KCNIP4: variants seen among roughly 807,000 people sequenced by gnomAD.
KCNIP4 encodes the protein potassium voltage-gated channel interacting protein 4, also known as Kv channel-interacting protein 4.
KCNIP4 carries 12 observed loss-of-function variants against 34.0 expected under a neutral mutation model. That is an observed-to-expected ratio of 0.35 (90% CI 0.23 to 0.57). The LOEUF (loss-of-function observed/expected upper bound fraction) is 0.57. Among genes scored for constraint, KCNIP4 ranks in the 20% least tolerant of loss-of-function variants. The probability of loss-of-function intolerance (pLI) is 0.83; values close to 1 mark genes in which losing one functional copy is unlikely to be tolerated. For synonymous variants in KCNIP4, 124 were observed against 102.2 expected (o/e 1.21, Z -1.29); for missense variants, 238 against 311.7 (o/e 0.76, Z 1.78).
At chr4:21,517,915 T>A (rs2279671) in intron 1 of KCNIP4, among the ~76,000 whole-genome samples, 7,373 of 152,174 alleles carry the variant, frequency 0.048, 255 homozygotes, top group East Asian at 0.14. Context: ...CCATTTACTG[T>A]GGGGTTTGCT....
chr4:21,360,074 G>A (rs1022467946), intron 1 of KCNIP4, among the ~76,000 whole-genome samples: 2 of 152,026 alleles, frequency 1.3e-5, no homozygotes, highest in African/African-American at 4.8e-5. Context: ...GAGCTCTACT[G>A]TGCGTGTAAC....
chr4:21,572,152 A>G (rs74943005), intron 1 of KCNIP4, among the ~76,000 whole-genome samples: 9,593 of 152,214 alleles, frequency 0.063, 944 homozygotes, highest in African/African-American at 0.21. Flanking sequence ...ATATAAGTAC[A>G]TATCTGTACA....
At chr4:21,884,626 A>G (rs574184788) in intron 1 of KCNIP4, among the ~76,000 whole-genome samples, 40 of 152,134 alleles carry the variant, frequency 2.6e-4, no homozygotes, top group Non-Finnish European at 4.6e-4. Flanking sequence ...AAAAAGAGGA[A>G]AGAAAGAAAG....
intron 1 of KCNIP4, among the ~76,000 whole-genome samples, chr4:21,146,562 A>T (rs1435579380): frequency 6.6e-6 from 1 of 152,216 alleles, no homozygotes; most frequent in Non-Finnish European, 1.5e-5. Context: ...AGTGATGAGA[A>T]CAAATCTTCC....
chr4:21,194,926 C>T (rs1362372778), intron 1 of KCNIP4, among the ~76,000 whole-genome samples: 1 of 152,192 alleles, frequency 6.6e-6, no homozygotes, highest in African/African-American at 2.4e-5. Context: ...ACGTCCTCTG[C>T]TTTCACTAAG....
chr4:20,991,686 C>T lies in KCNIP4; in HGVS notation c.62-108977G>A, dbSNP rs369418109. On this transcript the variant is annotated intron_variant, in intron 1 of 8. Transcript: ENST00000382152. ...TATGCGTCTCTTATAACTAGAAATA[C>T]AGAATATCTCATCAGCTTCATTTTC... Among the ~76,000 whole-genome samples, 7 of 152,308 alleles carry T rather than the reference C, an allele frequency of 4.6e-5. No individual in the cohort carries two copies. In the South Asian group the frequency reaches 1.0e-3, roughly 23 times the overall value.
Position 21,894,908 on chromosome 4 carries a change from A to G in KCNIP4, c.61+53663T>C, listed in dbSNP as rs1314698166. Among the ~76,000 whole-genome samples the G allele has an allele frequency of 2.0e-5, 3 of 152,212 alleles. No homozygotes were observed. The East Asian group carries it at 5.8e-4, about 29-fold the overall frequency. On this transcript the variant is annotated intron_variant, in intron 1 of 8. Coordinates refer to ENST00000382152, the MANE Select transcript of KCNIP4 (RefSeq NM_025221.6). ...TTCCTTTCTGTTGCTTCTGGAAGCCATCTGAAGATCGACTATCATTCCTGT... is the reference window on the plus strand; with the variant it reads ...TTCCTTTCTGTTGCTTCTGGAAGCCGTCTGAAGATCGACTATCATTCCTGT...
chr4:20,914,321 G>A (rs1210378155), intron 1 of KCNIP4, among the ~76,000 whole-genome samples: 2 of 152,058 alleles, frequency 1.3e-5, no homozygotes, highest in Non-Finnish European at 2.9e-5. Context: ...ATGGTATTAG[G>A]AGGTAGGGAC....
chr4:20,776,565 A>G (rs1216746023), intron 3 of KCNIP4, among the ~76,000 whole-genome samples: 1 of 152,200 alleles, frequency 6.6e-6, no homozygotes, highest in Non-Finnish European at 1.5e-5. Flanking sequence ...AAAGAATTAG[A>G]ATGCTATATT....
chr4:20,857,453 C>T (rs1454260524), intron 2 of KCNIP4, among the ~76,000 whole-genome samples: 1 of 151,540 alleles, frequency 6.6e-6, no homozygotes, highest in Admixed American at 6.6e-5. Flanking sequence ...CTCACAATAA[C>T]CCCAGAGTGA....
intron 1 of KCNIP4, among the ~76,000 whole-genome samples, chr4:21,510,078 C>CAAAA (rs759477091): frequency 0.012 from 795 of 65,190 alleles, 17 homozygotes; most frequent in African/African-American, 0.042. Flanking sequence ...ACTCCATCTC[C>CAAAA]AAAAAAAAAA....
intron 1 of KCNIP4, among the ~76,000 whole-genome samples, chr4:21,072,980 A>G (rs887819510): frequency 5.3e-5 from 8 of 151,382 alleles, no homozygotes; most frequent in Non-Finnish European, 7.4e-5. Context: ...CTTTCTGAGG[A>G]CTCTGTTCTG....
chr4:21,320,004 T>C (rs1246724790), intron 1 of KCNIP4, among the ~76,000 whole-genome samples: 2 of 152,266 alleles, frequency 1.3e-5, no homozygotes, highest in Non-Finnish European at 2.9e-5. Context: ...TTCCTGGTTA[T>C]GATAAAAAAT....
chr4:21,693,623 A>C (rs1002303582), intron 1 of KCNIP4, among the ~76,000 whole-genome samples: 1 of 152,200 alleles, frequency 6.6e-6, no homozygotes, highest in Admixed American at 6.5e-5. Flanking sequence ...CTTGACCCAC[A>C]ATAACTTCAG....
intron 3 of KCNIP4, among the ~76,000 whole-genome samples, chr4:20,762,519 G>A (rs1181869050): frequency 6.6e-6 from 1 of 152,208 alleles, no homozygotes; most frequent in Non-Finnish European, 1.5e-5. Context: ...TGATTTACAA[G>A]ATGGTATACA....
chr4:21,377,658 T>C (rs1721083944), intron 1 of KCNIP4, among the ~76,000 whole-genome samples: 1 of 152,140 alleles, frequency 6.6e-6, no homozygotes, highest in African/African-American at 2.4e-5. Flanking sequence ...GTTGTTTGCG[T>C]CCAAGCTTGT....
chr4:21,110,093 G>A (rs539721004), intron 1 of KCNIP4, among the ~76,000 whole-genome samples: 1 of 152,166 alleles, frequency 6.6e-6, no homozygotes, highest in East Asian at 1.9e-4. Flanking sequence ...TAACCCTTTG[G>A]TGCCATCTCT....
intron 1 of KCNIP4, among the ~76,000 whole-genome samples, chr4:21,258,434 C>G (rs1236542624): frequency 1.3e-5 from 2 of 152,142 alleles, no homozygotes; most frequent in Admixed American, 1.3e-4. Context: ...TGACCCCGAC[C>G]TTTTCTTTAA....
chr4:20,934,569 T>C (rs1247306639), intron 1 of KCNIP4, among the ~76,000 whole-genome samples: 5 of 152,222 alleles, frequency 3.3e-5, no homozygotes, highest in African/African-American at 1.2e-4. Flanking sequence ...CCTGAGAGTT[T>C]TGTCATTGAT....
Sources: allele counts gnomAD v4.1 joint callset (sites outside exome capture counted in the v4.1 genomes callset), GRCh38; gene constraint gnomAD v4.1.1; transcripts MANE v1.5; gene names NCBI Gene and HGNC (gene_info 2026-07-23, HGNC 2026-07-21).